Variants in SGCZ observed in about 807,000 individuals in gnomAD.
SGCZ encodes the protein zeta-sarcoglycan.
Under a neutral mutation model 41.3 loss-of-function variants are expected in SGCZ, and 40 were observed. The ratio of observed to expected loss-of-function variants is 0.97; its 90% CI spans 0.75 to 1.26. The LOEUF (loss-of-function observed/expected upper bound fraction) is 1.26. SGCZ is among the 50% of genes most tolerant of loss of function. The pLI, the probability that SGCZ is intolerant of heterozygous loss-of-function variation, is 0.00. For synonymous variants in SGCZ, 206 were observed against 137.5 expected, an observed-to-expected ratio of 1.50 and a Z score of -3.49; for missense variants, 552 against 369.8, an observed-to-expected ratio of 1.49 and a Z score of -4.04.
rs1798906187 is a variant in SGCZ, at chr8:14,395,900, AT to A, written c.235-71697del. Among the ~76,000 whole-genome samples, 3 of 152,350 alleles carry A rather than the reference AT, an allele frequency of 2.0e-5. No individual in the cohort carries two copies. In the East Asian group the frequency reaches 5.8e-4, roughly 29 times the overall value. ...GCAAAAAGTATCTGTTCGCTTCTCA[AT>A]AAATTCTGATGCCTTTGTAGCAGAG... On this transcript the variant is annotated intron_variant, in intron 2 of 7. Coordinates refer to ENST00000382080, the MANE Select transcript of SGCZ (RefSeq NM_139167.4).
In SGCZ at chr8:14,818,441, C is replaced by G. The variant is rs938119886; in HGVS notation, c.40-263515G>C. ...CAGAACCAAAACCAACATACCATAA[C>G]AAATCGACACCAAAGAACCCATCCA... On this transcript the variant is annotated intron_variant, in intron 1 of 7. Coordinates refer to ENST00000382080, the MANE Select transcript of SGCZ (RefSeq NM_139167.4). Among the ~76,000 whole-genome samples, 4 of 152,080 alleles carry G rather than the reference C, an allele frequency of 2.6e-5. No homozygotes were observed. In the East Asian group the frequency reaches 7.7e-4, roughly 29 times the overall value.
intron 2 of SGCZ, among the ~76,000 whole-genome samples, chr8:14,522,214 G>A (rs1424909845): frequency 6.6e-6 from 1 of 151,906 alleles, no homozygotes; most frequent in African/African-American, 2.4e-5. Flanking sequence ...AAGGGATATT[G>A]GTTTGTAGTT....
intron 1 of SGCZ, among the ~76,000 whole-genome samples, chr8:15,227,317 A>C (rs1346277845): frequency 3.3e-5 from 5 of 152,184 alleles, no homozygotes; most frequent in African/African-American, 1.2e-4. Flanking sequence ...TGATTCTGAG[A>C]GTGGAAGATC....
At chr8:14,881,857 G>T (rs1433756125) in intron 1 of SGCZ, among the ~76,000 whole-genome samples, 1 of 152,090 alleles carries the variant, frequency 6.6e-6, no homozygotes, top group East Asian at 1.9e-4. Context: ...AAATGCAAAA[G>T]AACTGACATC....
At chr8:14,209,585 C>T (rs956841855) in intron 4 of SGCZ, among the ~76,000 whole-genome samples, 8 of 152,008 alleles carry the variant, frequency 5.3e-5, no homozygotes, top group African/African-American at 7.2e-5. Context: ...ATTATGTTTT[C>T]GAAGAATATT....
intron 5 of SGCZ, among the ~76,000 whole-genome samples, chr8:14,132,344 A>G: frequency 6.6e-6 from 1 of 152,206 alleles, no homozygotes; most frequent in Admixed American, 6.5e-5. Context: ...TGTGTACACA[A>G]CACATGATTG....
chr8:14,244,926 T>C (rs1799032994), intron 3 of SGCZ, among the ~76,000 whole-genome samples: 1 of 151,986 alleles, frequency 6.6e-6, no homozygotes, highest in South Asian at 2.1e-4. Flanking sequence ...ATGCTTGTGA[T>C]TTTTGTACAT....
intron 2 of SGCZ, among the ~76,000 whole-genome samples, chr8:14,494,985 C>G (rs957389869): frequency 2.5e-4 from 38 of 152,264 alleles, no homozygotes; most frequent in African/African-American, 9.1e-4. Flanking sequence ...GGGAATGTGT[C>G]TAACGTAACC....
intron 2 of SGCZ, among the ~76,000 whole-genome samples, chr8:14,371,903 A>T (rs1401779256): frequency 6.6e-6 from 1 of 152,158 alleles, no homozygotes; most frequent in African/African-American, 2.4e-5. Context: ...GTTAAAGAAG[A>T]TGGAGATCAA....
chr8:14,281,927 T>A (rs1166558143), intron 3 of SGCZ, among the ~76,000 whole-genome samples: 5 of 152,072 alleles, frequency 3.3e-5, no homozygotes, highest in African/African-American at 4.8e-5. Context: ...TTCTTATTTT[T>A]CCTACACTCC....
At chr8:14,351,764 C>A (rs2117105811) in intron 2 of SGCZ, among the ~76,000 whole-genome samples, 1 of 152,112 alleles carries the variant, frequency 6.6e-6, no homozygotes, top group African/African-American at 2.4e-5. Context: ...ATTCTGCTGA[C>A]TGATTTGTTC....
intron 2 of SGCZ, among the ~76,000 whole-genome samples, chr8:14,446,034 T>C (rs11774367): frequency 0.47 from 71,903 of 151,868 alleles, 17,403 homozygotes; most frequent in African/African-American, 0.55. Flanking sequence ...TAAAAGTTTG[T>C]CCCTGTCATG....
At chr8:15,042,275 T>C (rs536955731) in intron 1 of SGCZ, among the ~76,000 whole-genome samples, 2 of 152,272 alleles carry the variant, frequency 1.3e-5, no homozygotes, top group East Asian at 3.9e-4. Context: ...AATGCCTAGC[T>C]GACGGCAGTT....
chr8:14,611,845 C>G (rs760375078), intron 1 of SGCZ, among the ~76,000 whole-genome samples: 2 of 151,864 alleles, frequency 1.3e-5, no homozygotes, highest in African/African-American at 4.8e-5. Context: ...ATTAAATGGG[C>G]AGAAAAAAAT....
chr8:14,901,490 TA>T (rs1481846754), intron 1 of SGCZ, among the ~76,000 whole-genome samples: 16 of 152,316 alleles, frequency 1.1e-4, no homozygotes, highest in African/African-American at 3.6e-4. Flanking sequence ...TAGTTGTTAC[TA>T]AAAATGTATC....
intron 2 of SGCZ, among the ~76,000 whole-genome samples, chr8:14,458,882 G>A (rs1388671506): frequency 1.3e-5 from 2 of 152,074 alleles, no homozygotes; most frequent in African/African-American, 2.4e-5. Flanking sequence ...GAGCTTCTTG[G>A]AGAAGTTGCT....
At chr8:14,214,704 T>TTA (rs397714316) in intron 4 of SGCZ, among the ~76,000 whole-genome samples, 3 of 151,778 alleles carry the variant, frequency 2.0e-5, no homozygotes, top group Non-Finnish European at 4.4e-5. Flanking sequence ...GTAATTTTTT[T>TTA]AAAAAAAGCA....
At chr8:14,694,579 T>G (rs1024688788) in intron 1 of SGCZ, among the ~76,000 whole-genome samples, 1 of 152,178 alleles carries the variant, frequency 6.6e-6, no homozygotes, top group African/African-American at 2.4e-5. Flanking sequence ...AAATAGAGCC[T>G]GCTCTGATAG....
chr8:15,052,226 G>A (rs981959098), intron 1 of SGCZ, among the ~76,000 whole-genome samples: 3 of 152,174 alleles, frequency 2.0e-5, no homozygotes, highest in African/African-American at 7.2e-5. Flanking sequence ...CTAACCTTAG[G>A]TATGCAAGGA....
Sources: gnomAD v4.1 joint callset for allele counts (sites outside exome capture counted in the v4.1 genomes callset) on GRCh38, gnomAD v4.1.1 for gene constraint, MANE v1.5 for transcripts, NCBI Gene and HGNC (gene_info 2026-07-23, HGNC 2026-07-21) for gene names.